Variants in TEAD1 observed in about 807,000 individuals in gnomAD.
The protein encoded by TEAD1 is transcriptional enhancer factor TEF-1.
Under a neutral mutation model 54.9 loss-of-function variants are expected in TEAD1, and 9 were observed. The observed-to-expected ratio is 0.16, with a 90% CI of 0.10 to 0.29. TEAD1 has a LOEUF of 0.29. Among genes scored for constraint, TEAD1 ranks in the 10% least tolerant of loss-of-function variants. The probability of loss-of-function intolerance (pLI) is 1.00; values close to 1 mark genes in which losing one functional copy is unlikely to be tolerated. For missense variants in TEAD1, 387 were observed against 535.9 expected, an observed-to-expected ratio of 0.72 and a Z score of 2.74; for synonymous variants, 200 against 187.8, an observed-to-expected ratio of 1.07 and a Z score of -0.53.
intron 9 of TEAD1, 116 bp downstream of exon 9, chr11:12,883,241 G>A: frequency 6.7e-7 from 1 of 1,500,590 alleles, no homozygotes; most frequent in South Asian, 1.1e-5. Context: ...CAAATATCCT[G>A]TGTGAAAACG....
At chr11:12,921,845 G>A (rs1045037147) in intron 10 of TEAD1, among the ~76,000 whole-genome samples, 3 of 152,112 alleles carry the variant, frequency 2.0e-5, no homozygotes, top group Non-Finnish European at 4.4e-5. Context: ...TCTCATTTAG[G>A]GAAAGACATG....
rs1348657039 is a variant in TEAD1 at position 12,939,719 on chromosome 11, C to T, written c.*2497C>T. ...CCTTGAGGTTTACTCCTTGCTCTTA[C>T]AACATTTCTAAGGATTTTTAAAAGT... On this transcript the variant is annotated 3_prime_UTR_variant, in exon 13 of 13. Coordinates refer to ENST00000527636, the MANE Select transcript of TEAD1 (RefSeq NM_021961.6). 2.0e-5 allele frequency: 3 copies of T among 152,274 alleles called. No homozygotes were observed. Among genetic ancestry groups the T allele is most frequent in the Admixed American group, 1.3e-4 (2 of 15,276 alleles). The allele number at this position is 152,274 out of a possible 1,614,324, so 9.4% of individuals were successfully genotyped here.
rs534174876 is a variant in TEAD1, at chr11:12,739,980, A to G, written c.-54-24199A>G. Among the ~76,000 whole-genome samples, 14 of 152,372 alleles carry G rather than the reference A, an allele frequency of 9.2e-5. No homozygotes were observed. The East Asian group carries it at 1.9e-3, about 21-fold the overall frequency. On this transcript the variant is annotated intron_variant, in intron 2 of 12. Transcript: ENST00000527636. Reference sequence around the variant, plus strand: ...GGGAAAGCCAAATAAGGCTTTACCAAAGAGGTAGCTATTGAATCGGCCTCT... The same window carrying G: ...GGGAAAGCCAAATAAGGCTTTACCAGAGAGGTAGCTATTGAATCGGCCTCT...
intron 5 of TEAD1, chr11:12,878,924 T>A: frequency 7.8e-7 from 1 of 1,285,316 alleles, no homozygotes. Flanking sequence ...CCAAACTGAG[T>A]ATTCTGTATT....
intron 2 of TEAD1, among the ~76,000 whole-genome samples, chr11:12,735,154 G>T (rs1463255800): frequency 6.6e-6 from 1 of 152,168 alleles, no homozygotes; most frequent in African/African-American, 2.4e-5. Context: ...TGGGAAGTCT[G>T]GCCCAGGACT....
At chr11:12,679,589 C>T (rs1476538694) in intron 2 of TEAD1, among the ~76,000 whole-genome samples, 2 of 151,930 alleles carry the variant, frequency 1.3e-5, no homozygotes, top group African/African-American at 4.8e-5. Context: ...TATGTGAGAA[C>T]ATATTGAACT....
intron 5 of TEAD1, among the ~76,000 whole-genome samples, chr11:12,877,315 G>A (rs1413947981): frequency 1.3e-5 from 2 of 152,168 alleles, no homozygotes; most frequent in African/African-American, 4.8e-5. Context: ...GTTACTTGAG[G>A]CTCCTTAGTT....
At position 12,943,351 on chromosome 11, in the gene TEAD1, G is replaced by C. The variant is rs956042490; in HGVS notation, c.*6129G>C. 7.2e-5 allele frequency: 11 copies of C among 152,700 alleles called. No homozygotes were observed. The highest frequency in any genetic ancestry group is 2.4e-4 in the African/African-American group (10 of 41,560). 9.5% of individuals were successfully genotyped at this position (152,700 alleles called of 1,614,324 possible). On this transcript the variant is annotated 3_prime_UTR_variant, in exon 13 of 13. Coordinates refer to ENST00000527636, the MANE Select transcript of TEAD1 (RefSeq NM_021961.6). ...CTCTTTTCAACTGTTACTGTGCTTT[G>C]TTTGAAAGTAGTTTTCTCTCTCAAA... is the stretch of plus-strand genomic sequence containing the variant.
chr11:12,829,078 A>G lies in TEAD1; in HGVS notation c.203-33172A>G, dbSNP rs1946717129. On this transcript the variant is annotated intron_variant, in intron 3 of 12. Transcript: ENST00000527636. ...CGCCCTTAAGAGCCATCGGTTTGTT[A>G]TTGCTGATTGAGGTAGTGGTGGTGG... is the stretch of plus-strand genomic sequence containing the variant. Among the ~76,000 whole-genome samples the G allele has an allele frequency of 2.0e-5, 3 of 151,906 alleles. No homozygotes were observed. In the South Asian group the frequency reaches 6.2e-4, roughly 32 times the overall value.
intron 2 of TEAD1, among the ~76,000 whole-genome samples, chr11:12,739,228 C>T (rs1016991877): frequency 1.3e-5 from 2 of 151,402 alleles, no homozygotes; most frequent in Non-Finnish European, 2.9e-5. Context: ...ATCTGTCTAT[C>T]TATCTATCTA....
At chr11:12,891,707 A>C (rs1186590874) in intron 9 of TEAD1, among the ~76,000 whole-genome samples, 1 of 152,246 alleles carries the variant, frequency 6.6e-6, no homozygotes, top group African/African-American at 2.4e-5. Flanking sequence ...GGACCTGGCT[A>C]ATAGATGGCA....
chr11:12,781,396 C>T (rs966238647), intron 3 of TEAD1, among the ~76,000 whole-genome samples: 2 of 151,894 alleles, frequency 1.3e-5, no homozygotes, highest in East Asian at 3.9e-4. Context: ...ATCCAGAGAA[C>T]AGGAGAAGAT....
intron 10 of TEAD1, among the ~76,000 whole-genome samples, chr11:12,908,883 G>GT (rs60042137): frequency 0.044 from 4,418 of 99,572 alleles, 311 homozygotes; most frequent in African/African-American, 0.12. Context: ...CAAATTATCT[G>GT]TTTTTTTTTT....
intron 3 of TEAD1, among the ~76,000 whole-genome samples, chr11:12,794,097 G>A (rs1054845683): frequency 3.3e-5 from 5 of 152,330 alleles, no homozygotes; most frequent in Middle Eastern, 3.4e-3. Flanking sequence ...CTATGGGAGA[G>A]TAGGAAGGGA....
intron 2 of TEAD1, among the ~76,000 whole-genome samples, chr11:12,692,860 C>T (rs1175391880): frequency 2.0e-5 from 3 of 152,236 alleles, no homozygotes; most frequent in Non-Finnish European, 4.4e-5. Flanking sequence ...GGCCCCTGCA[C>T]TTTGGCCTTG....
chr11:12,929,493 CAT>C (rs895802148), intron 11 of TEAD1, among the ~76,000 whole-genome samples: 2 of 151,624 alleles, frequency 1.3e-5, no homozygotes, highest in African/African-American at 2.4e-5. Flanking sequence ...ATGATGAAGA[CAT>C]ATGAGGCTAC....
At chr11:12,750,874 A>G (rs940161248) in intron 2 of TEAD1, among the ~76,000 whole-genome samples, 1 of 152,146 alleles carries the variant, frequency 6.6e-6, no homozygotes, top group African/African-American at 2.4e-5. Context: ...TCAGCACCCT[A>G]TTGATTCCTC....
rs528113539 is a variant in TEAD1 at position 12,755,391 on chromosome 11, T to G, written c.-54-8788T>G. Among the ~76,000 whole-genome samples the G allele has an allele frequency of 4.0e-4, 61 of 152,346 alleles. 1 individual carries two copies. In the South Asian group the frequency reaches 0.011, roughly 28 times the overall value. On this transcript the variant is annotated intron_variant, in intron 2 of 12. Transcript: ENST00000527636. Reference sequence around the variant, plus strand: ...TGAATCGTACCAACTAAGAAAGTGATGTGATCCATAGGTTAGTGGCTAAGG... The same window carrying G: ...TGAATCGTACCAACTAAGAAAGTGAGGTGATCCATAGGTTAGTGGCTAAGG...
At chr11:12,933,032 T>C (rs963567247) in intron 12 of TEAD1, among the ~76,000 whole-genome samples, 1 of 152,190 alleles carries the variant, frequency 6.6e-6, no homozygotes, top group African/African-American at 2.4e-5. Flanking sequence ...CTACACCATA[T>C]AGCCTAGGTG....
Sources: allele counts gnomAD v4.1 joint callset (sites outside exome capture counted in the v4.1 genomes callset), GRCh38; gene constraint gnomAD v4.1.1; transcripts MANE v1.5; gene names NCBI Gene and HGNC (gene_info 2026-07-23, HGNC 2026-07-21).